Variants in NECAB1 observed in about 807,000 individuals in gnomAD.
NECAB1 encodes N-terminal EF-hand calcium-binding protein 1.
In NECAB1, 29 loss-of-function variants were observed where a neutral mutation model predicts 57.5. That is an observed-to-expected ratio of 0.50 (90% CI 0.38 to 0.69). The LOEUF (loss-of-function observed/expected upper bound fraction) is 0.69. NECAB1 is among the 30% of genes least tolerant of loss of function. NECAB1 has a pLI of 0.00. For missense variants in NECAB1, 372 were observed against 413.8 expected, an observed-to-expected ratio of 0.90 and a Z score of 0.88; for synonymous variants, 142 against 147.7, an observed-to-expected ratio of 0.96 and a Z score of 0.28.
chr8:90,842,512 G>C (rs1318469365), intron 3 of NECAB1, among the ~76,000 whole-genome samples: 1 of 152,186 alleles, frequency 6.6e-6, no homozygotes, highest in Non-Finnish European at 1.5e-5. Context: ...GGCTGTGTGG[G>C]TGGGCTTATT....
chr8:90,906,864 A>G (rs1809663386), intron 5 of NECAB1, among the ~76,000 whole-genome samples: 1 of 59,026 alleles, frequency 1.7e-5, no homozygotes, highest in African/African-American at 2.1e-4. Flanking sequence ...TTTTCCTTAC[A>G]TATGATATAC....
intron 3 of NECAB1, among the ~76,000 whole-genome samples, chr8:90,839,106 ATCT>A (rs2129739529): frequency 1.3e-5 from 2 of 152,338 alleles, no homozygotes; most frequent in African/African-American, 4.8e-5. Context: ...ACCACTACTC[ATCT>A]TCTCTCTTAA....
At position 90,837,926 on chromosome 8, in the gene NECAB1, T is replaced by C. The variant is rs557873324; in HGVS notation, c.233+13101T>C. The stretch of plus-strand genomic sequence containing the variant: ...CATTTCAACTTGTATGCTGAATTCC[T>C]AGCCCCAAATTTTTGCCCTTTATAT... On this transcript the variant is annotated intron_variant, in intron 3 of 12. Coordinates refer to ENST00000417640, the MANE Select transcript of NECAB1 (RefSeq NM_022351.5). Among the ~76,000 whole-genome samples the C allele has an allele frequency of 5.9e-5, 9 of 152,368 alleles. No homozygotes were observed. In the East Asian group the frequency reaches 9.6e-4, roughly 16 times the overall value.
At position 90,934,330 on chromosome 8, in the gene NECAB1, A is replaced by G; in HGVS notation, c.720A>G (p.Glu240=). 1 of 1,517,664 alleles carries G rather than the reference A, an allele frequency of 6.6e-7. No individual in the cohort carries two copies. Among genetic ancestry groups the G allele is most frequent in the Non-Finnish European group, 8.8e-7 (1 of 1,133,164 alleles). The allele number at this position is 1,517,664 out of a possible 1,614,324, so 94.0% of individuals were successfully genotyped here. The part of the protein sequence containing the change: ...KKDLKLEPPE[E]EIIEGNTKSH... ...ATCTCAAACTCGAACCACCAGAAGA[A>G]GAAATTATTGAAGGGAATACTAAAT... Residue 240 remains glutamate, a synonymous_variant, in exon 9 of 13, where the codon GAA becomes GAG. Coordinates refer to ENST00000417640, the MANE Select transcript of NECAB1 (RefSeq NM_022351.5).
chr8:90,855,341 T>G (rs1026945461), intron 3 of NECAB1, among the ~76,000 whole-genome samples: 1 of 152,112 alleles, frequency 6.6e-6, no homozygotes, highest in African/African-American at 2.4e-5. Context: ...AAACAGGAGG[T>G]CTTCCTGGTC....
chr8:90,880,169 A>G (rs955491576), intron 4 of NECAB1, among the ~76,000 whole-genome samples: 19 of 152,146 alleles, frequency 1.2e-4, no homozygotes, highest in African/African-American at 4.6e-4. Flanking sequence ...TATATGTGAT[A>G]ATATTTATCA....
intron 8 of NECAB1, among the ~76,000 whole-genome samples, chr8:90,933,112 C>G (rs1006283024): frequency 6.6e-6 from 1 of 152,184 alleles, no homozygotes; most frequent in Non-Finnish European, 1.5e-5. Context: ...ACAGGGAACA[C>G]TTCTACACTG....
At chr8:90,854,729 C>G (rs891302918) in intron 3 of NECAB1, among the ~76,000 whole-genome samples, 30 of 152,280 alleles carry the variant, frequency 2.0e-4, no homozygotes, top group African/African-American at 7.2e-4. Flanking sequence ...TTTTGGGCAA[C>G]AATAGCAGTC....
At chr8:90,852,967 G>A (rs985515280) in intron 3 of NECAB1, among the ~76,000 whole-genome samples, 5 of 152,334 alleles carry the variant, frequency 3.3e-5, no homozygotes, top group Admixed American at 6.5e-5. Flanking sequence ...CACCTCATGC[G>A]AAAAGGCAGA....
chr8:90,851,683 AC>A (rs1284237011), intron 3 of NECAB1, among the ~76,000 whole-genome samples: 1 of 151,922 alleles, frequency 6.6e-6, no homozygotes, highest in Admixed American at 6.6e-5. Flanking sequence ...TTTCCCATAT[AC>A]CCCCTGCATC....
intron 3 of NECAB1, among the ~76,000 whole-genome samples, chr8:90,871,329 T>G (rs1808617837): frequency 6.6e-6 from 1 of 152,180 alleles, no homozygotes; most frequent in African/African-American, 2.4e-5. Context: ...ATCATTTTTC[T>G]CCTTTAAGTT....
intron 4 of NECAB1, among the ~76,000 whole-genome samples, chr8:90,873,598 A>G (rs1808659591): frequency 6.6e-6 from 1 of 152,190 alleles, no homozygotes; most frequent in Non-Finnish European, 1.5e-5. Context: ...GGCCAAAGTA[A>G]TTATTTCCAC....
intron 6 of NECAB1, among the ~76,000 whole-genome samples, chr8:90,922,486 A>ATTTTTTTTTTTTTTTTTTTTGTTT (rs1810141858): frequency 1.7e-5 from 1 of 57,520 alleles, no homozygotes; most frequent in Non-Finnish European, 3.3e-5. Flanking sequence ...AAAAACTTGG[A>ATTTTTTTTTTTTTTTTTTTTGTTT]TTTTTTTTTT....
At chr8:90,861,474 G>A (rs1383527873) in intron 3 of NECAB1, among the ~76,000 whole-genome samples, 1 of 152,062 alleles carries the variant, frequency 6.6e-6, no homozygotes. Context: ...AATGGAATAG[G>A]CTAGGCTTTG....
intron 3 of NECAB1, among the ~76,000 whole-genome samples, chr8:90,861,893 G>A (rs1027203488): frequency 6.6e-6 from 1 of 152,122 alleles, no homozygotes; most frequent in African/African-American, 2.4e-5. Context: ...GTCCAAGTTT[G>A]AAACATGATA....
At chr8:90,891,753 G>T (rs1809175647) in intron 5 of NECAB1, among the ~76,000 whole-genome samples, 1 of 151,780 alleles carries the variant, frequency 6.6e-6, no homozygotes, top group Non-Finnish European at 1.5e-5. Context: ...GAGTGCAGTG[G>T]TGGGATCTCA....
At chr8:90,828,003 C>G (rs887224227) in intron 3 of NECAB1, among the ~76,000 whole-genome samples, 1 of 151,786 alleles carries the variant, frequency 6.6e-6, no homozygotes, top group Non-Finnish European at 1.5e-5. Context: ...ATTTAGATAG[C>G]AGTCATAATT....
At chr8:90,942,232 G>A (rs1185567647) in intron 10 of NECAB1, among the ~76,000 whole-genome samples, 10 of 152,190 alleles carry the variant, frequency 6.6e-5, no homozygotes, top group African/African-American at 2.4e-4. Flanking sequence ...GATTCAGTGA[G>A]ACAGTCCATA....
chr8:90,835,938 A>C (rs1812364925), intron 3 of NECAB1, among the ~76,000 whole-genome samples: 2 of 152,208 alleles, frequency 1.3e-5, no homozygotes, highest in Admixed American at 1.3e-4. Context: ...AATGCCATTA[A>C]CAGATCTTAT....
Sources: gnomAD v4.1 joint callset for allele counts (sites outside exome capture counted in the v4.1 genomes callset) on GRCh38, gnomAD v4.1.1 for gene constraint, MANE v1.5 for transcripts, NCBI Gene and HGNC (gene_info 2026-07-23, HGNC 2026-07-21) for gene names.